ZBTB20: variants seen among roughly 807,000 people sequenced by gnomAD.
The protein encoded by ZBTB20 is zinc finger and BTB domain containing 20, also known as zinc finger and BTB domain-containing protein 20.
In ZBTB20, 9 loss-of-function variants were observed where a neutral mutation model predicts 56.9. The observed-to-expected ratio is 0.16, with a 90% CI of 0.10 to 0.28. The LOEUF (loss-of-function observed/expected upper bound fraction) is 0.28. Among genes scored for constraint, ZBTB20 ranks in the 10% least tolerant of loss-of-function variants. ZBTB20 has a pLI of 1.00. For missense variants in ZBTB20, 655 were observed against 1,003.0 expected (o/e 0.65, Z 4.69); for synonymous variants, 417 against 420.7 (o/e 0.99, Z 0.11).
intron 2 of ZBTB20, among the ~76,000 whole-genome samples, chr3:115,055,130 T>A (rs1048248341): frequency 2.0e-5 from 3 of 150,774 alleles, no homozygotes; most frequent in African/African-American, 7.3e-5. Flanking sequence ...CATAGAGTAA[T>A]TTTAACTTAC....
chr3:114,702,656 T>C (rs2063466295), intron 5 of ZBTB20, among the ~76,000 whole-genome samples: 1 of 151,740 alleles, frequency 6.6e-6, no homozygotes, highest in African/African-American at 2.4e-5. Flanking sequence ...CATAGTGCTT[T>C]AGTCTAAATT....
chr3:114,343,708 T>C (rs972051440), intron 11 of ZBTB20, among the ~76,000 whole-genome samples: 1 of 152,238 alleles, frequency 6.6e-6, no homozygotes, highest in Non-Finnish European at 1.5e-5. Flanking sequence ...ATGGAGCTTT[T>C]ACTGGCTGCA....
At chr3:114,584,855 T>C (rs1354865697) in intron 6 of ZBTB20, among the ~76,000 whole-genome samples, 1 of 152,086 alleles carries the variant, frequency 6.6e-6, no homozygotes, top group Non-Finnish European at 1.5e-5. Flanking sequence ...GACAAAACAC[T>C]ATCAGTGTAC....
rs187467405 is a variant in ZBTB20 at position 115,003,940 on chromosome 3, A to G, written c.-506-29524T>C. On this transcript the variant is annotated intron_variant, in intron 2 of 11. Transcript: ENST00000675478. ...TATTTATTAATATTATGTCTTCATTATTATATTGTCAGAACAAAAGGATTC... is the reference window on the plus strand; with the variant it reads ...TATTTATTAATATTATGTCTTCATTGTTATATTGTCAGAACAAAAGGATTC... 5.9e-5 allele frequency among the ~76,000 whole-genome samples: 9 copies of G among 151,830 alleles called. No homozygotes were observed. In the East Asian group the frequency reaches 1.8e-3, roughly 30 times the overall value.
chr3:115,004,711 T>C (rs9871031), intron 2 of ZBTB20, among the ~76,000 whole-genome samples: 89,769 of 151,498 alleles, frequency 0.59, 28,074 homozygotes, highest in East Asian at 0.75. Context: ...GGCATAATAT[T>C]TCTTTAACTG....
intron 1 of ZBTB20, among the ~76,000 whole-genome samples, chr3:115,130,078 A>G (rs2084459806): frequency 6.6e-6 from 1 of 152,200 alleles, no homozygotes; most frequent in Non-Finnish European, 1.5e-5. Context: ...CTTCAACATT[A>G]TTTTACTTGA....
Position 114,408,932 on chromosome 3 carries a change from G to A in ZBTB20, c.-254-19827C>T, listed in dbSNP as rs1158554090. Among the ~76,000 whole-genome samples the A allele has an allele frequency of 5.3e-5, 8 of 152,110 alleles. 1 individual carries two copies. Among genetic ancestry groups the A allele is most frequent in the African/African-American group, 9.6e-5 (4 of 41,538 alleles). ...CCTAGTGGGAGAGCAGCGCTCGTCCGCCGTCCGCTCCTGGTGTGCTCTGTT... is the reference window on the plus strand; with the variant it reads ...CCTAGTGGGAGAGCAGCGCTCGTCCACCGTCCGCTCCTGGTGTGCTCTGTT... On this transcript the variant is annotated intron_variant, in intron 7 of 11. Transcript: ENST00000675478.
chr3:115,131,585 C>T (rs1191735734), intron 1 of ZBTB20, among the ~76,000 whole-genome samples: 1 of 152,124 alleles, frequency 6.6e-6, no homozygotes, highest in Non-Finnish European at 1.5e-5. Context: ...AAAAAATACA[C>T]ATGTTCTTAA....
chr3:114,881,400 C>T (rs920779114), intron 4 of ZBTB20, among the ~76,000 whole-genome samples: 2 of 151,960 alleles, frequency 1.3e-5, no homozygotes, highest in Non-Finnish European at 2.9e-5. Flanking sequence ...ACAACTTTCA[C>T]ATTTTGATTT....
intron 6 of ZBTB20, among the ~76,000 whole-genome samples, chr3:114,670,924 G>T (rs1056995642): frequency 6.6e-6 from 1 of 152,034 alleles, no homozygotes; most frequent in African/African-American, 2.4e-5. Flanking sequence ...CCATTACAAA[G>T]AACTTGAAGG....
chr3:114,790,749 C>T (rs2108805716), intron 5 of ZBTB20, among the ~76,000 whole-genome samples: 1 of 151,118 alleles, frequency 6.6e-6, no homozygotes, highest in South Asian at 2.1e-4. Flanking sequence ...AAGTCACTGA[C>T]TATCATAGGG....
At chr3:115,022,629 A>G (rs2080252156) in intron 2 of ZBTB20, among the ~76,000 whole-genome samples, 1 of 150,564 alleles carries the variant, frequency 6.6e-6, no homozygotes, top group Admixed American at 6.7e-5. Flanking sequence ...TCTACAATCT[A>G]CTCCAATTTG....
At chr3:114,794,309 C>T (rs1357944828) in intron 5 of ZBTB20, among the ~76,000 whole-genome samples, 2 of 151,940 alleles carry the variant, frequency 1.3e-5, no homozygotes, top group East Asian at 3.9e-4. Context: ...AAGGTTTGTA[C>T]ATAGACTCAT....
chr3:114,648,786 T>G (rs1406621761), intron 6 of ZBTB20, among the ~76,000 whole-genome samples: 1 of 151,980 alleles, frequency 6.6e-6, no homozygotes, highest in Non-Finnish European at 1.5e-5. Context: ...TGTCAGAGGA[T>G]TATCATTAAA....
chr3:114,424,448 T>A (rs890549698), intron 7 of ZBTB20, among the ~76,000 whole-genome samples: 1 of 152,218 alleles, frequency 6.6e-6, no homozygotes, highest in Non-Finnish European at 1.5e-5. Context: ...AGTCCCTTCA[T>A]TTAGCCAATT....
At chr3:114,663,138 G>A (rs1464336747) in intron 6 of ZBTB20, among the ~76,000 whole-genome samples, 3 of 147,872 alleles carry the variant, frequency 2.0e-5, no homozygotes, top group Non-Finnish European at 4.5e-5. Flanking sequence ...CAGCCAGAGA[G>A]AAAGGTCGGG....
At chr3:114,743,072 A>G (rs1411613257) in intron 5 of ZBTB20, among the ~76,000 whole-genome samples, 1 of 152,172 alleles carries the variant, frequency 6.6e-6, no homozygotes, top group Non-Finnish European at 1.5e-5. Flanking sequence ...TTTTTTACAA[A>G]GCATTGTCAC....
At chr3:114,717,795 C>A (rs1379332208) in intron 5 of ZBTB20, among the ~76,000 whole-genome samples, 1 of 150,580 alleles carries the variant, frequency 6.6e-6, no homozygotes, top group African/African-American at 2.4e-5. Context: ...TTGCCAAATG[C>A]AATGGTCACA....
chr3:115,074,824 T>C (rs564344946), intron 1 of ZBTB20, among the ~76,000 whole-genome samples: 2 of 152,256 alleles, frequency 1.3e-5, no homozygotes, highest in South Asian at 2.1e-4. Flanking sequence ...GGGCCTCTGA[T>C]AGGAACCTTT....
Sources: allele counts gnomAD v4.1 joint callset (sites outside exome capture counted in the v4.1 genomes callset), GRCh38; gene constraint gnomAD v4.1.1; transcripts MANE v1.5; gene names NCBI Gene and HGNC (gene_info 2026-07-23, HGNC 2026-07-21).